STX8: variants seen among roughly 807,000 people sequenced by gnomAD.
STX8 encodes syntaxin 8.
STX8 carries 23 observed loss-of-function variants against 37.5 expected under a neutral mutation model. That is an observed-to-expected ratio of 0.61 (90% CI 0.44 to 0.87). The LOEUF (loss-of-function observed/expected upper bound fraction) is 0.87, where lower values mean the gene tolerates loss of function less well. Ranked by LOEUF, STX8 falls within the 40% of genes least tolerant of loss-of-function variation. STX8 has a pLI of 0.00. For synonymous variants in STX8, 115 were observed against 99.1 expected, an observed-to-expected ratio of 1.16 and a Z score of -0.95; for missense variants, 313 against 284.7, an observed-to-expected ratio of 1.10 and a Z score of -0.71.
At position 9,402,562 on chromosome 17, in the gene STX8, C is replaced by T. The variant is rs143421148; in HGVS notation, c.542-23909G>A. ...CAGTGCAACAAAAATGAGGTAGGGG[C>T]GTCCCACTCATTAAACAATTGCTGA... On this transcript the variant is annotated intron_variant, in intron 6 of 7. Coordinates refer to ENST00000306357, the MANE Select transcript of STX8 (RefSeq NM_004853.3). Among the ~76,000 whole-genome samples, 260 of 152,198 alleles carry T rather than the reference C, an allele frequency of 1.7e-3. 1 individual carries two copies. Among genetic ancestry groups the T allele is most frequent in the African/African-American group, 5.9e-3 (243 of 41,530 alleles).
intron 7 of STX8, among the ~76,000 whole-genome samples, chr17:9,376,753 A>G (rs1310373414): frequency 6.6e-6 from 1 of 152,144 alleles, no homozygotes; most frequent in Non-Finnish European, 1.5e-5. Context: ...ACATCTGAAC[A>G]TCGGAAGGAA....
At chr17:9,559,768 T>A (rs1288326708) in intron 2 of STX8, among the ~76,000 whole-genome samples, 3 of 69,344 alleles carry the variant, frequency 4.3e-5, no homozygotes, top group African/African-American at 1.6e-4. Flanking sequence ...ATATTTTTTT[T>A]TTTTTTTTTT....
At chr17:9,521,607 C>G (rs951761058) in intron 4 of STX8, among the ~76,000 whole-genome samples, 2 of 152,180 alleles carry the variant, frequency 1.3e-5, no homozygotes, top group African/African-American at 2.4e-5. Context: ...ATCCATCCAT[C>G]TGACAAACAC....
intron 2 of STX8, among the ~76,000 whole-genome samples, chr17:9,558,640 G>A (rs1323415100): frequency 6.6e-6 from 1 of 152,136 alleles, no homozygotes; most frequent in Non-Finnish European, 1.5e-5. Context: ...TCCAGACGAC[G>A]GTGAAACCCC....
intron 7 of STX8, among the ~76,000 whole-genome samples, chr17:9,273,935 G>C (rs146314801): frequency 9.9e-5 from 15 of 152,262 alleles, no homozygotes; most frequent in Middle Eastern, 6.8e-3. Context: ...TGGATATAAA[G>C]GGGTGCTTCT....
At chr17:9,545,016 C>T (rs955497492) in intron 4 of STX8, among the ~76,000 whole-genome samples, 156 bp downstream of exon 4, 1 of 151,842 alleles carries the variant, frequency 6.6e-6, no homozygotes, top group African/African-American at 2.4e-5. Context: ...CAAAAATTAA[C>T]GAAAACTAAA....
At position 9,327,275 on chromosome 17, in the gene STX8, GA is replaced by G. The variant is rs1175839991; in HGVS notation, c.643+51276del. On this transcript the variant is annotated intron_variant, in intron 7 of 7. Transcript: ENST00000306357. ...AGGAGGAAGGAGGAGGAGGAAGGAG[GA>G]AGAAGGAAGAAAGAAGAAGAAGAAA... 1.4e-3 allele frequency among the ~76,000 whole-genome samples: 216 copies of G among 149,438 alleles called. 3 individuals are homozygous for G. Among genetic ancestry groups the G allele is most frequent in the African/African-American group, 4.8e-3 (190 of 39,974 alleles).
intron 7 of STX8, among the ~76,000 whole-genome samples, chr17:9,349,316 CTTTTTTTTTTTTT>C (rs61627405): frequency 9.1e-6 from 1 of 109,798 alleles, no homozygotes; most frequent in South Asian, 2.9e-4. Context: ...ATTTTCTTTT[CTTTTTTTTTTTTT>C]TTTTTTTTGA....
At chr17:9,564,608 T>C (rs1026709100) in intron 2 of STX8, among the ~76,000 whole-genome samples, 1 of 152,060 alleles carries the variant, frequency 6.6e-6, no homozygotes. Flanking sequence ...CTATTTACAA[T>C]TGCCAACAGA....
At chr17:9,400,803 T>C (rs1205673052) in intron 6 of STX8, among the ~76,000 whole-genome samples, 1 of 152,276 alleles carries the variant, frequency 6.6e-6, no homozygotes, top group African/African-American at 2.4e-5. Context: ...TTGTATCTTG[T>C]TGGTTACAAT....
chr17:9,252,130 C>A (rs577671514), intron 7 of STX8, among the ~76,000 whole-genome samples: 58 of 151,354 alleles, frequency 3.8e-4, no homozygotes, highest in African/African-American at 1.4e-3. Context: ...CATGGTGAAA[C>A]CCCGTCTCTA....
chr17:9,416,886 T>C (rs1483948702), intron 6 of STX8, among the ~76,000 whole-genome samples: 1 of 152,198 alleles, frequency 6.6e-6, no homozygotes. Flanking sequence ...TTCCTATAGA[T>C]AACATCATTA....
At chr17:9,376,337 G>T (rs751116743) in intron 7 of STX8, among the ~76,000 whole-genome samples, 1 of 152,104 alleles carries the variant, frequency 6.6e-6, no homozygotes, top group East Asian at 1.9e-4. Context: ...CAACCAGCAC[G>T]CTGTAAAAAT....
chr17:9,409,822 T>C (rs1026592271), intron 6 of STX8, among the ~76,000 whole-genome samples: 8 of 152,342 alleles, frequency 5.3e-5, no homozygotes, highest in African/African-American at 1.9e-4. Flanking sequence ...GGTTCCTCCC[T>C]TGTGAATGCT....
chr17:9,262,350 G>A (rs1204962273), intron 7 of STX8, among the ~76,000 whole-genome samples: 1 of 152,080 alleles, frequency 6.6e-6, no homozygotes, highest in Non-Finnish European at 1.5e-5. Flanking sequence ...CAGGGATTTT[G>A]GATTTTGAAC....
intron 5 of STX8, among the ~76,000 whole-genome samples, chr17:9,497,388 A>G (rs1318289332): frequency 6.6e-6 from 1 of 152,236 alleles, no homozygotes; most frequent in Admixed American, 6.5e-5. Context: ...CCAAAACAGT[A>G]TTTATCTTTT....
At chr17:9,562,612 AAAT>A (rs1188281338) in intron 2 of STX8, among the ~76,000 whole-genome samples, 1,473 of 15,604 alleles carry the variant, frequency 0.094, 20 homozygotes, top group African/African-American at 0.12. Flanking sequence ...AAAAAAAAAA[AAAT>A]ATATATATAT....
At chr17:9,339,436 C>T (rs1249799020) in intron 7 of STX8, among the ~76,000 whole-genome samples, 2 of 152,106 alleles carry the variant, frequency 1.3e-5, no homozygotes, top group South Asian at 2.1e-4. Flanking sequence ...AGGTGGATCA[C>T]GAGGTCAGGA....
chr17:9,573,288 C>A (rs1907757118), intron 1 of STX8, among the ~76,000 whole-genome samples: 1 of 152,126 alleles, frequency 6.6e-6, no homozygotes, highest in Non-Finnish European at 1.5e-5. Flanking sequence ...GAAACACTTA[C>A]AATGTATTCT....
Sources: gnomAD v4.1 joint callset for allele counts (sites outside exome capture counted in the v4.1 genomes callset) on GRCh38, gnomAD v4.1.1 for gene constraint, MANE v1.5 for transcripts, NCBI Gene and HGNC (gene_info 2026-07-23, HGNC 2026-07-21) for gene names.